Variants in RCC1L observed in about 807,000 individuals in gnomAD.
RCC1L encodes RCC1 like.
In RCC1L, 46 loss-of-function variants were observed where a neutral mutation model predicts 58.6. The ratio of observed to expected loss-of-function variants is 0.79; its 90% CI spans 0.62 to 1.00. The LOEUF (loss-of-function observed/expected upper bound fraction) is 1.00, where lower values mean the gene tolerates loss of function less well. Among genes scored for constraint, RCC1L ranks in the 50% least tolerant of loss-of-function variants. The pLI, the probability that RCC1L is intolerant of heterozygous loss-of-function variation, is 0.00. For synonymous variants in RCC1L, 281 were observed against 262.9 expected (o/e 1.07, Z -0.67); for missense variants, 636 against 623.6 (o/e 1.02, Z -0.21).
intron 10 of RCC1L, among the ~76,000 whole-genome samples, chr7:75,035,251 G>A (rs1374447778): frequency 5.9e-5 from 9 of 152,042 alleles, no homozygotes; most frequent in African/African-American, 2.2e-4. Flanking sequence ...GGCTGGTCTC[G>A]AACTCATGAC....
intron 3 of RCC1L, among the ~76,000 whole-genome samples, chr7:75,065,706 C>A (rs1479148034): frequency 2.0e-5 from 3 of 152,164 alleles, no homozygotes; most frequent in African/African-American, 7.2e-5. Flanking sequence ...AAATAGGCTT[C>A]TTTCAATTCC....
In RCC1L at chr7:75,073,435, A is replaced by G; in HGVS notation, c.303T>C (p.Tyr101=). ...GCACCTTTTGGTCCAGCTCCAGGCG[A>G]TAGGGCACGGGCTGGATCCTGCGGC... ...RPRRRIQPVP[Y]RLELDQKISS... is the part of the protein sequence containing the mutation. The change falls in exon 1 of 11, where the codon TAT becomes TAC. Residue 101 remains tyrosine (Y), a synonymous_variant. Transcript: ENST00000610322. The G allele has an allele frequency of 1.5e-6, 2 of 1,334,630 alleles. No individual in the cohort carries two copies. Among genetic ancestry groups the G allele is most frequent in the Non-Finnish European group, 1.9e-6 (2 of 1,038,948 alleles). The allele number at this position is 1,334,630 out of a possible 1,614,324, so 82.7% of individuals were successfully genotyped here.
chr7:75,066,663 C>G lies in RCC1L; in HGVS notation c.583+1G>C. The G allele has an allele frequency of 1.9e-6, 3 of 1,611,612 alleles. No individual in the cohort carries two copies. The highest frequency in any genetic ancestry group is 2.5e-6 in the Non-Finnish European group (3 of 1,178,834). ...CATCACCCTTCAATAGGTCAACTCA[C>G]CTCCTTCCCTGTCAGTCAACACAAG... is the stretch of plus-strand genomic sequence containing the variant. On this transcript the variant is annotated splice_donor_variant, in intron 3 of 10. Coordinates refer to ENST00000610322, the MANE Select transcript of RCC1L (RefSeq NM_030798.5). LOFTEE classifies it high-confidence loss of function.
At chr7:75,034,589 G>C (rs940244733) in intron 10 of RCC1L, among the ~76,000 whole-genome samples, 1 of 152,168 alleles carries the variant, frequency 6.6e-6, no homozygotes, top group African/African-American at 2.4e-5. Context: ...TCTTCGCCTT[G>C]TAAAGGTTGA....
At chr7:75,057,937 C>T in intron 7 of RCC1L, 1 of 366,568 alleles carries the variant, frequency 2.7e-6, no homozygotes, top group Non-Finnish European at 5.3e-6. Context: ...GCAGGTGGAT[C>T]ACTTGAGGTC....
intron 3 of RCC1L, among the ~76,000 whole-genome samples, chr7:75,065,558 TA>T (rs55907118): frequency 0.57 from 85,728 of 150,636 alleles, 25,257 homozygotes; most frequent in East Asian, 0.93. Context: ...CCGTCTCAGA[TA>T]AAAAAAAAGA....
intron 10 of RCC1L, among the ~76,000 whole-genome samples, chr7:75,028,265 C>A (rs899686874): frequency 6.6e-6 from 1 of 152,028 alleles, no homozygotes; most frequent in Non-Finnish European, 1.5e-5. Flanking sequence ...AGATTACAGG[C>A]ACTCACCACC....
At chr7:75,048,266 CAAAA>C (rs1166086711) in intron 10 of RCC1L, among the ~76,000 whole-genome samples, 6 of 95,736 alleles carry the variant, frequency 6.3e-5, no homozygotes, top group East Asian at 3.2e-4. Flanking sequence ...GACATCGCCT[CAAAA>C]AAAAAAAAAA....
In RCC1L at chr7:75,061,282, C is replaced by T. The variant is rs1806271060; in HGVS notation, c.712G>A (p.Gly238Ser). ...FDGQVVQVAC[G>S]QDHSLFLTDK... ...GTCAGGAACAGACTATGATCCTGAC[C>T]ACAGGCGACCTAGCAGACAAACAGA... The change falls in exon 6 of 11, where the codon GGT becomes AGT. Residue 238 changes from glycine to serine, a missense_variant. Coordinates refer to ENST00000610322, the MANE Select transcript of RCC1L (RefSeq NM_030798.5). The T allele has an allele frequency of 1.2e-6, 2 of 1,613,458 alleles. No individual in the cohort carries two copies. Among genetic ancestry groups the T allele is most frequent in the South Asian group, 2.2e-5 (2 of 91,054 alleles).
downstream of RCC1L, among the ~76,000 whole-genome samples, chr7:75,039,426 T>C (rs914685203): frequency 2.0e-5 from 3 of 152,248 alleles, no homozygotes; most frequent in East Asian, 1.9e-4. Context: ...GGGCTGACCA[T>C]GTATTCAAGA....
chr7:75,048,355 C>T (rs1805808300), intron 10 of RCC1L, among the ~76,000 whole-genome samples: 1 of 152,142 alleles, frequency 6.6e-6, no homozygotes, highest in Non-Finnish European at 1.5e-5. Context: ...CAGCGAGCTC[C>T]CCAGCTTGTG....
At chr7:75,061,183 C>G in intron 6 of RCC1L, 24 bp downstream of exon 6, 1 of 1,602,262 alleles carries the variant, frequency 6.2e-7, no homozygotes, top group Admixed American at 1.7e-5. Context: ...GTTTCACGAC[C>G]CCAGTGCATG....
chr7:75,040,814 G>A (rs1805537372), downstream of RCC1L, among the ~76,000 whole-genome samples: 1 of 152,138 alleles, frequency 6.6e-6, no homozygotes, highest in Non-Finnish European at 1.5e-5. Context: ...CCTAAGAATG[G>A]GGTTCGCAGC....
chr7:75,028,907 TTCTCACCTCC>T (rs1203871131), intron 10 of RCC1L, among the ~76,000 whole-genome samples: 9 of 152,284 alleles, frequency 5.9e-5, no homozygotes, highest in African/African-American at 1.2e-4. Context: ...ACCACTGGCA[TTCTCACCTCC>T]TCTCACCTCC....
In RCC1L at chr7:75,028,157, G is replaced by A. The variant is rs1337690604; in HGVS notation, c.1318-78C>T. The A allele has an allele frequency of 1.7e-5, 23 of 1,341,012 alleles. No individual in the cohort carries two copies. In the African/African-American group the frequency reaches 2.3e-4, roughly 13 times the overall value. 83.1% of individuals were successfully genotyped at this position (1,341,012 alleles called of 1,614,324 possible). A position where few individuals can be genotyped will look rare whatever the true frequency, so the allele number is the denominator to read the frequency against. ...TTTTGAGACGGAGTCTTGCTCTGTC[G>A]CCCAGGCTGGAGTGCTGTGGCATGA... On this transcript the variant is annotated intron_variant, in intron 10 of 10. Transcript: ENST00000614461.
At chr7:75,041,895 A>G (rs1472481009), downstream of RCC1L, among the ~76,000 whole-genome samples, 4 of 151,710 alleles carry the variant, frequency 2.6e-5, no homozygotes, top group Non-Finnish European at 5.9e-5. Flanking sequence ...AAAGAAAAAG[A>G]AAATATTTGT....
chr7:75,035,227 T>C (rs1384443306), intron 10 of RCC1L, among the ~76,000 whole-genome samples: 4 of 152,062 alleles, frequency 2.6e-5, no homozygotes, highest in Non-Finnish European at 5.9e-5. Context: ...GATGGGGTTT[T>C]GCCATATTGG....
In RCC1L at chr7:75,055,883, C is replaced by G; in HGVS notation, c.1231+18G>C. On this transcript the variant is annotated intron_variant, in intron 9 of 10. Coordinates refer to ENST00000610322, the MANE Select transcript of RCC1L (RefSeq NM_030798.5). ...CTCTGCTGGGCTCACACCAGGGCCA[C>G]CGGGCTTGGTAACTTACTGGTCAGT... 1 of 1,613,910 alleles carries G rather than the reference C, an allele frequency of 6.2e-7. No homozygotes were observed. Among genetic ancestry groups the G allele is most frequent in the African/African-American group, 1.3e-5 (1 of 75,028 alleles).
chr7:75,072,933 C>G (rs1421191683), intron 1 of RCC1L, among the ~76,000 whole-genome samples: 2 of 152,138 alleles, frequency 1.3e-5, no homozygotes, highest in Non-Finnish European at 2.9e-5. Context: ...GAGCGAGACC[C>G]TGTCTCTAAA....
Sources: gnomAD v4.1 joint callset for allele counts (sites outside exome capture counted in the v4.1 genomes callset) on GRCh38, gnomAD v4.1.1 for gene constraint, MANE v1.5 for transcripts, NCBI Gene and HGNC (gene_info 2026-07-23, HGNC 2026-07-21) for gene names.